SPIRE2: variants seen among roughly 807,000 people sequenced by gnomAD.
SPIRE2 encodes spire type actin nucleation factor 2.
Under a neutral mutation model 80.7 loss-of-function variants are expected in SPIRE2, and 76 were observed. That is an observed-to-expected ratio of 0.94 (90% CI 0.78 to 1.14). The LOEUF (loss-of-function observed/expected upper bound fraction) is 1.14, where lower values mean the gene tolerates loss of function less well. Among genes scored for constraint, SPIRE2 ranks in the 50% most tolerant of loss-of-function variants. The probability of loss-of-function intolerance (pLI) is 0.00; values close to 1 mark genes in which losing one functional copy is unlikely to be tolerated. For missense variants in SPIRE2, 1,196 were observed against 1,015.3 expected, an observed-to-expected ratio of 1.18 and a Z score of -2.42; for synonymous variants, 535 against 432.6, an observed-to-expected ratio of 1.24 and a Z score of -2.94.
intron 2 of SPIRE2, chr16:89,845,904 T>C: frequency 2.0e-6 from 1 of 497,972 alleles, no homozygotes; most frequent in African/African-American, 2.0e-5. Context: ...TTTATTTTAT[T>C]TTATTGTTTT....
intron 5 of SPIRE2, among the ~76,000 whole-genome samples, 190 bp downstream of exon 5, chr16:89,854,841 A>T (rs946328370): frequency 1.3e-5 from 2 of 152,220 alleles, no homozygotes; most frequent in African/African-American, 4.8e-5. Context: ...ACAGCTTGAT[A>T]TCACTTCAGG....
In SPIRE2 at chr16:89,848,965, GTGGTGTTT is replaced by G. The variant is rs1366813018; in HGVS notation, c.289-1338_289-1331del. ...GACGAGGCAGGTTCCAGGGCCTTCT[GTGGTGTTT>G]CTGCAGGACAGACGAGGCAGGTTCC... On this transcript the variant is annotated intron_variant, in intron 2 of 14. Coordinates refer to ENST00000378247, the MANE Select transcript of SPIRE2 (RefSeq NM_032451.2). 2.9e-4 allele frequency among the ~76,000 whole-genome samples: 41 copies of G among 141,026 alleles called. No homozygotes were observed. The South Asian group carries it at 7.5e-3, about 26-fold the overall frequency. 92.5% of individuals were successfully genotyped at this position (141,026 alleles called of 152,430 possible).
At chr16:89,845,292 C>G (rs2041547412) in intron 1 of SPIRE2, 30 bp from the exon 2 acceptor site, 3 of 1,612,692 alleles carry the variant, frequency 1.9e-6, no homozygotes, top group Non-Finnish European at 2.5e-6. Flanking sequence ...GGGATGCTGA[C>G]AAATAACTTA....
intron 1 of SPIRE2, among the ~76,000 whole-genome samples, chr16:89,835,994 G>T (rs2041445230): frequency 6.6e-6 from 1 of 152,102 alleles, no homozygotes; most frequent in Admixed American, 6.6e-5. Context: ...GGCCAACATG[G>T]TGAAACCCCG....
At chr16:89,854,694 C>A in intron 5 of SPIRE2, 43 bp downstream of exon 5, 1 of 1,592,594 alleles carries the variant, frequency 6.3e-7, no homozygotes, top group East Asian at 2.2e-5. Flanking sequence ...ATGCAGAGGT[C>A]GTGGTGAGCG....
At chr16:89,836,617 G>A (rs753887630) in intron 1 of SPIRE2, among the ~76,000 whole-genome samples, 10 of 152,010 alleles carry the variant, frequency 6.6e-5, no homozygotes, top group Non-Finnish European at 1.3e-4. Context: ...GCAAGAATCC[G>A]GAATGTACAT....
At chr16:89,855,907 T>C (rs2041686034) in intron 6 of SPIRE2, 2 of 1,025,846 alleles carry the variant, frequency 1.9e-6, no homozygotes, top group South Asian at 1.7e-5. Context: ...ATGTGAGCCA[T>C]GCCCACCCCA....
intron 7 of SPIRE2, among the ~76,000 whole-genome samples, chr16:89,858,110 C>T (rs1049064151): frequency 1.3e-5 from 2 of 151,954 alleles, no homozygotes; most frequent in Non-Finnish European, 2.9e-5. Context: ...TGGTCTCGAT[C>T]TCCTGACCTC....
chr16:89,854,987 G>A (rs945552785), intron 5 of SPIRE2, among the ~76,000 whole-genome samples: 1 of 151,948 alleles, frequency 6.6e-6, no homozygotes, highest in Non-Finnish European at 1.5e-5. Context: ...CGCCCAGGCT[G>A]GAGGGCAATG....
At chr16:89,867,113 GTTTT>G (rs906169336) in intron 12 of SPIRE2, among the ~76,000 whole-genome samples, 4 of 148,276 alleles carry the variant, frequency 2.7e-5, no homozygotes, top group South Asian at 2.1e-4. Context: ...CAGTGTGCAA[GTTTT>G]TTTTTTGTTT....
At chr16:89,829,651 TG>T (rs1343678244) in intron 1 of SPIRE2, among the ~76,000 whole-genome samples, 1 of 138,778 alleles carries the variant, frequency 7.2e-6, no homozygotes, top group Non-Finnish European at 1.7e-5. Context: ...CCACGAGGGG[TG>T]GGGGCCGTTG....
chr16:89,847,479 G>C (rs950064377), intron 2 of SPIRE2, among the ~76,000 whole-genome samples: 2 of 152,244 alleles, frequency 1.3e-5, no homozygotes, highest in African/African-American at 4.8e-5. Context: ...TTCCAAAGGG[G>C]GCCTGCCGTG....
intron 7 of SPIRE2, among the ~76,000 whole-genome samples, chr16:89,858,110 C>A (rs1049064151): frequency 4.6e-5 from 7 of 151,954 alleles, no homozygotes; most frequent in Non-Finnish European, 8.8e-5. Context: ...TGGTCTCGAT[C>A]TCCTGACCTC....
In SPIRE2 at chr16:89,830,542, G is replaced by T. The variant is rs2041369369; in HGVS notation, c.244+1748G>T. ...AGGTGGCTAACCCAGCCTTTCTCTGGGACTTAAGTGATAAGTAAATACATT... is the reference window on the plus strand; with the variant it reads ...AGGTGGCTAACCCAGCCTTTCTCTGTGACTTAAGTGATAAGTAAATACATT... On this transcript the variant is annotated intron_variant, in intron 1 of 14. Transcript: ENST00000378247. 1.3e-5 allele frequency among the ~76,000 whole-genome samples: 2 copies of T among 151,018 alleles called. 1 individual carries two copies. Among genetic ancestry groups the T allele is most frequent in the Non-Finnish European group, 3.0e-5 (2 of 67,362 alleles).
chr16:89,845,927 C>T lies in SPIRE2; in HGVS notation c.288+562C>T, dbSNP rs1310395817. The T allele has an allele frequency of 3.3e-5, 13 of 393,362 alleles. No homozygotes were observed. In the East Asian group the frequency reaches 5.0e-4, roughly 15 times the overall value. The allele number at this position is 393,362 out of a possible 1,614,324, so 24.4% of individuals were successfully genotyped here. A position where few individuals can be genotyped will look rare whatever the true frequency, so the allele number is the denominator to read the frequency against. On this transcript the variant is annotated intron_variant, in intron 2 of 14. Transcript: ENST00000378247. ...ATTTTATTGTTTTGAGATGGAGTCG[C>T]GCTCTGTCGCCCAGGCTGGAGTGCA...
chr16:89,833,754 A>C (rs2143775724), intron 1 of SPIRE2, among the ~76,000 whole-genome samples: 1 of 152,320 alleles, frequency 6.6e-6, no homozygotes, highest in Admixed American at 6.5e-5. Flanking sequence ...CTTGGGGAGC[A>C]GCACGTGTGG....
At chr16:89,844,701 G>C (rs1310392341) in intron 1 of SPIRE2, among the ~76,000 whole-genome samples, 2 of 152,164 alleles carry the variant, frequency 1.3e-5, no homozygotes. Flanking sequence ...GCCTCCCAAA[G>C]TGCCGGGATT....
chr16:89,863,642 T>A lies in SPIRE2; in HGVS notation c.1710+32T>A. On this transcript the variant is annotated intron_variant, in intron 11 of 14. Coordinates refer to ENST00000378247, the MANE Select transcript of SPIRE2 (RefSeq NM_032451.2). The surrounding 1 kb of genome is among the most constrained non-coding windows in gnomAD (Gnocchi z 4.3). The stretch of plus-strand genomic sequence containing the variant: ...CTGCCTAGACGTGGGGCTACGCTCT[T>A]GCCCGCTGGGTCAGGGGCGGGTGCC... 1.2e-6 allele frequency: 2 copies of A among 1,613,976 alleles called. No individual in the cohort carries two copies. Among genetic ancestry groups the A allele is most frequent in the Non-Finnish European group, 1.7e-6 (2 of 1,179,964 alleles).
intron 14 of SPIRE2, 104 bp downstream of exon 14, chr16:89,869,786 C>G: frequency 1.1e-6 from 1 of 887,928 alleles, no homozygotes. Flanking sequence ...TGCTAGGACA[C>G]CCCAAGGAAA....
Sources: gnomAD v4.1 joint callset for allele counts (sites outside exome capture counted in the v4.1 genomes callset) on GRCh38, gnomAD v4.1.1 for gene constraint, Gnocchi (gnomAD v3.1) non-coding constraint, MANE v1.5 for transcripts, NCBI Gene and HGNC (gene_info 2026-07-23, HGNC 2026-07-21) for gene names.